The following FNTB variants were observed in gnomAD, a reference collection of about 807,000 sequenced individuals.
FNTB encodes the protein farnesyltransferase, CAAX box, subunit beta, also known as protein farnesyltransferase subunit beta.
FNTB carries 27 observed loss-of-function variants against 59.4 expected under a neutral mutation model. The ratio of observed to expected loss-of-function variants is 0.45; its 90% CI spans 0.34 to 0.63. The LOEUF (loss-of-function observed/expected upper bound fraction) is 0.63, where lower values mean the gene tolerates loss of function less well. Ranked by LOEUF, FNTB falls within the 20% of genes least tolerant of loss-of-function variation. The probability of loss-of-function intolerance (pLI) is 0.02; values close to 1 mark genes in which losing one functional copy is unlikely to be tolerated. For synonymous variants in FNTB, 230 were observed against 220.7 expected (o/e 1.04, Z -0.37); for missense variants, 449 against 559.6 (o/e 0.80, Z 1.99).
At chr14:64,995,548 A>G (rs1186922029) in intron 1 of FNTB, among the ~76,000 whole-genome samples, 3 of 151,992 alleles carry the variant, frequency 2.0e-5, no homozygotes, top group Non-Finnish European at 2.9e-5. Context: ...CAGCTCCATC[A>G]TAGTCTTAAC....
chr14:65,058,770 T>C (rs1444512418), intron 11 of FNTB, among the ~76,000 whole-genome samples: 1 of 152,238 alleles, frequency 6.6e-6, no homozygotes, highest in Admixed American at 6.5e-5. Flanking sequence ...TTAAGCCTTA[T>C]ATTCCCAGGA....
rs1040543029 is a variant in FNTB, at chr14:65,027,886, C to T, written c.605+105C>T. ...CATCATGGGGAAGCTGCTGCTTTGT[C>T]CCAGAATGACACATGGGATGACATG... On this transcript the variant is annotated intron_variant, in intron 6 of 11. Coordinates refer to ENST00000246166, the MANE Select transcript of FNTB (RefSeq NM_002028.4). The surrounding 1 kb of genome is among the most constrained non-coding windows in gnomAD (Gnocchi z 5.7). The T allele has an allele frequency of 2.1e-6, 3 of 1,431,524 alleles. No individual in the cohort carries two copies. The highest frequency in any genetic ancestry group is 2.9e-6 in the Non-Finnish European group (3 of 1,037,500). 88.7% of individuals were successfully genotyped at this position (1,431,524 alleles called of 1,614,324 possible). A position where few individuals can be genotyped will look rare whatever the true frequency, so the allele number is the denominator to read the frequency against.
Position 64,987,015 on chromosome 14 carries a change from A to C in FNTB, c.62A>C (p.Glu21Ala). Residue 21 changes from glutamate (E) to alanine (A), a missense_variant, in exon 1 of 12, where the codon GAG becomes GCG. Transcript: ENST00000246166. ...CPPSSSPVWS[E>A]PLYSLRPEHA... is the part of the protein sequence containing the mutation. ...CCATCTTCCTCCCCCGTCTGGTCAG[A>C]GCCGCTGTACAGTCTGAGGCCCGAG... 1 of 1,614,170 alleles carries C rather than the reference A, an allele frequency of 6.2e-7. No homozygotes were observed. Among genetic ancestry groups the C allele is most frequent in the Non-Finnish European group, 8.5e-7 (1 of 1,180,034 alleles).
chr14:65,011,040 T>G lies in FNTB; in HGVS notation c.210-1277T>G, dbSNP rs771905101. On this transcript the variant is annotated intron_variant, in intron 2 of 11. Coordinates refer to ENST00000246166, the MANE Select transcript of FNTB (RefSeq NM_002028.4). The surrounding 1 kb of genome is among the most constrained non-coding windows in gnomAD (Gnocchi z 4.0). Reference sequence around the variant, plus strand: ...ATATCCCCTCCCTTTTGAGCCTCAGTAGTATGTTTTTCCCTTGCAAAACCT... The same window carrying G: ...ATATCCCCTCCCTTTTGAGCCTCAGGAGTATGTTTTTCCCTTGCAAAACCT... Among the ~76,000 whole-genome samples the G allele has an allele frequency of 9.9e-5, 15 of 152,216 alleles. No individual in the cohort carries two copies. Among genetic ancestry groups the G allele is most frequent in the Non-Finnish European group, 2.2e-4 (15 of 68,022 alleles).
chr14:65,003,353 G>A (rs189512429), intron 1 of FNTB: 1 of 152,120 alleles, frequency 6.6e-6, no homozygotes, highest in Non-Finnish European at 1.5e-5. Flanking sequence ...GTATTTGAGA[G>A]TGGTGAGTTA....
In FNTB at chr14:65,028,250, G is replaced by C. The variant is rs2062019495; in HGVS notation, c.605+469G>C. On this transcript the variant is annotated intron_variant, in intron 6 of 11. Transcript: ENST00000246166. This position sits in a 1 kb window ranked among gnomAD's most constrained non-coding sequence, Gnocchi z 4.4. ...TTCTGGGAGGTGCAGAGAGCCTTGT[G>C]GGCCGGGAGAGTGCAGTGCAATAAA... 6.6e-6 allele frequency among the ~76,000 whole-genome samples: 1 copy of C among 152,118 alleles called. No homozygotes were observed. Among genetic ancestry groups the C allele is most frequent in the Non-Finnish European group, 1.5e-5 (1 of 68,022 alleles).
At chr14:65,024,664 C>T (rs980876829) in intron 4 of FNTB, among the ~76,000 whole-genome samples, 2 of 152,100 alleles carry the variant, frequency 1.3e-5, no homozygotes, top group African/African-American at 4.8e-5. Context: ...TTTGTGAATA[C>T]TTGTTTTTCA....
At chr14:65,034,453 AT>A (rs1446547589) in intron 7 of FNTB, among the ~76,000 whole-genome samples, 1 of 152,082 alleles carries the variant, frequency 6.6e-6, no homozygotes, top group Non-Finnish European at 1.5e-5. Context: ...TTGGTTAGAG[AT>A]TTCTAACTTG....
Position 65,047,145 on chromosome 14 carries a change from A to G in FNTB, c.955+2702A>G, listed in dbSNP as rs1595087092. On this transcript the variant is annotated intron_variant, in intron 9 of 11. Transcript: ENST00000246166. The surrounding 1 kb of genome is among the most constrained non-coding windows in gnomAD (Gnocchi z 5.2). ...TACTTTTTCTACTACAACTGCCACT[A>G]CTACTGGTAGCGGAGTCTTCCCAAG... Among the ~76,000 whole-genome samples, 1 of 152,248 alleles carries G rather than the reference A, an allele frequency of 6.6e-6. No homozygotes were observed. Among genetic ancestry groups the G allele is most frequent in the Non-Finnish European group, 1.5e-5 (1 of 68,046 alleles).
rs957995670 is a variant in FNTB at position 65,014,110 on chromosome 14, A to G, written c.283-1515A>G. On this transcript the variant is annotated intron_variant, in intron 3 of 11. Coordinates refer to ENST00000246166, the MANE Select transcript of FNTB (RefSeq NM_002028.4). This position sits in a 1 kb window ranked among gnomAD's most constrained non-coding sequence, Gnocchi z 5.1. ...AGCAGCTTGGGCCAACGGAAAGAACACTGGATTGACTCTAAAAACCTAGGT... is the reference window on the plus strand; with the variant it reads ...AGCAGCTTGGGCCAACGGAAAGAACGCTGGATTGACTCTAAAAACCTAGGT... Among the ~76,000 whole-genome samples the G allele has an allele frequency of 2.0e-5, 3 of 152,136 alleles. No individual in the cohort carries two copies. Among genetic ancestry groups the G allele is most frequent in the African/African-American group, 7.2e-5 (3 of 41,442 alleles).
At chr14:64,992,544 A>G (rs1173444197) in intron 1 of FNTB, among the ~76,000 whole-genome samples, 3 of 152,194 alleles carry the variant, frequency 2.0e-5, no homozygotes, top group Non-Finnish European at 4.4e-5. Context: ...AGTTCTTGAG[A>G]TACATCGTTT....
chr14:65,026,176 G>A (rs2061977154), intron 4 of FNTB, among the ~76,000 whole-genome samples: 1 of 152,186 alleles, frequency 6.6e-6, no homozygotes, highest in South Asian at 2.1e-4. Flanking sequence ...GTTGTAAATG[G>A]AGGTTTCTCC....
At chr14:65,020,745 T>C (rs2061870949) in intron 4 of FNTB, among the ~76,000 whole-genome samples, 1 of 149,358 alleles carries the variant, frequency 6.7e-6, no homozygotes, top group Non-Finnish European at 1.5e-5. Context: ...TTTTTTTTTT[T>C]TTTTGAGACG....
chr14:64,996,123 C>CA (rs60137057), intron 1 of FNTB, among the ~76,000 whole-genome samples: 10,006 of 82,332 alleles, frequency 0.12, 474 homozygotes, highest in Admixed American at 0.22. Context: ...AACTCTGTCT[C>CA]AAAAAAAAAA....
chr14:65,039,135 A>G (rs2062285274), intron 7 of FNTB, among the ~76,000 whole-genome samples: 1 of 152,186 alleles, frequency 6.6e-6, no homozygotes, highest in Admixed American at 6.5e-5. Context: ...GCTGCTGGGG[A>G]GCTCTGCGAG....
At chr14:65,034,283 C>T (rs1365858166) in intron 7 of FNTB, among the ~76,000 whole-genome samples, 1 of 152,196 alleles carries the variant, frequency 6.6e-6, no homozygotes. Context: ...GCATGAAATT[C>T]ACTTCATTTC....
chr14:65,045,764 T>C (rs1447864346), intron 9 of FNTB, among the ~76,000 whole-genome samples: 4 of 152,150 alleles, frequency 2.6e-5, no homozygotes, highest in Non-Finnish European at 4.4e-5. Flanking sequence ...TGTTGAGTTG[T>C]GACCATTTCT....
At chr14:65,006,624 TCACCCG>T (rs2061597112) in intron 2 of FNTB, among the ~76,000 whole-genome samples, 1 of 152,184 alleles carries the variant, frequency 6.6e-6, no homozygotes, top group Non-Finnish European at 1.5e-5. Flanking sequence ...CCCCGATGAC[TCACCCG>T]ATCGGGCTGA....
intron 1 of FNTB, among the ~76,000 whole-genome samples, chr14:65,002,223 G>A (rs559326396): frequency 9.2e-5 from 14 of 152,252 alleles, no homozygotes; most frequent in African/African-American, 3.1e-4. Flanking sequence ...TTAACCAGAC[G>A]CTCCCTCATT....
Sources: allele counts gnomAD v4.1 joint callset (sites outside exome capture counted in the v4.1 genomes callset), GRCh38; gene constraint gnomAD v4.1.1; non-coding constraint Gnocchi (gnomAD v3.1); transcripts MANE v1.5; gene names NCBI Gene and HGNC (gene_info 2026-07-23, HGNC 2026-07-21).